ZNF586: variants seen among roughly 807,000 people sequenced by gnomAD.
The protein encoded by ZNF586 is zinc finger protein 586.
A neutral mutation model predicts 6.7 loss-of-function variants in ZNF586; 7 were observed. The observed-to-expected ratio is 1.04, with a 90% confidence interval of 0.59 to 1.95. The LOEUF (loss-of-function observed/expected upper bound fraction) is 1.95. ZNF586 is among the 30% of genes most tolerant of loss of function. The probability of loss-of-function intolerance (pLI) is 0.00; values close to 1 mark genes in which losing one functional copy is unlikely to be tolerated. For missense variants in ZNF586, 442 were observed against 489.6 expected, an observed-to-expected ratio of 0.90 and a Z score of 0.92; for synonymous variants, 166 against 168.7, an observed-to-expected ratio of 0.98 and a Z score of 0.12.
chr19:57,779,989 CCT>C lies in ZNF586; in HGVS notation c.*199_*200del, dbSNP rs766335785. 401 of 565,458 alleles carry C rather than the reference CCT, an allele frequency of 7.1e-4. No individual in the cohort carries two copies. The highest frequency in any genetic ancestry group is 1.5e-4 in the Non-Finnish European group (49 of 323,972). 35.0% of individuals were successfully genotyped at this position (565,458 alleles called of 1,614,324 possible). A position where few individuals can be genotyped will look rare whatever the true frequency, so the allele number is the denominator to read the frequency against. On this transcript the variant is annotated 3_prime_UTR_variant, in exon 3 of 3. Transcript: ENST00000396154. ...CAATGAATGTGAGAAAGCCTTCAGC[CCT>C]CTCTCATTGGTTACCACAATATTTA...
intron 2 of ZNF586, among the ~76,000 whole-genome samples, 155 bp downstream of exon 2, chr19:57,776,824 C>T (rs1987249673): frequency 6.6e-6 from 1 of 152,122 alleles, no homozygotes; most frequent in African/African-American, 2.4e-5. Context: ...ACGTACTGCC[C>T]TGTCCTTTCC....
At chr19:57,775,737 G>A (rs1215346420) in intron 1 of ZNF586, among the ~76,000 whole-genome samples, 1 of 151,810 alleles carries the variant, frequency 6.6e-6, no homozygotes, top group Non-Finnish European at 1.5e-5. Flanking sequence ...TGAGTAGCTG[G>A]GACTACAGGT....
intron 1 of ZNF586, among the ~76,000 whole-genome samples, chr19:57,775,503 A>G (rs1987212352): frequency 1.3e-5 from 2 of 151,924 alleles, no homozygotes; most frequent in Non-Finnish European, 2.9e-5. Context: ...TCAAAAATTA[A>G]AAATAAAAAC....
chr19:57,779,522 A>G lies in ZNF586; in HGVS notation c.935A>G (p.His312Arg), dbSNP rs749693404. The G allele has an allele frequency of 6.2e-7, 1 of 1,614,022 alleles. No homozygotes were observed. The highest frequency in any genetic ancestry group is 8.5e-7 in the Non-Finnish European group (1 of 1,180,016). ...RSNLIHHQRV[H>R]TGERHECGQC... ...AACCTCATTCACCATCAGCGAGTTCATACTGGAGAAAGGCATGAGTGCGGG... is the reference window on the plus strand; with the variant it reads ...AACCTCATTCACCATCAGCGAGTTCGTACTGGAGAAAGGCATGAGTGCGGG... Residue 312 changes from histidine to arginine, a missense_variant, in exon 3 of 3, where the codon CAT becomes CGT. Coordinates refer to ENST00000396154, the MANE Select transcript of ZNF586 (RefSeq NM_017652.4).
In ZNF586 at chr19:57,769,852, G is replaced by T; in HGVS notation, c.10G>T (p.Ala4Ser). 2 of 1,543,066 alleles carry T rather than the reference G, an allele frequency of 1.3e-6. No individual in the cohort carries two copies. Among genetic ancestry groups the T allele is most frequent in the Non-Finnish European group, 1.7e-6 (2 of 1,145,462 alleles). The change falls in exon 1 of 3, where the codon GCA becomes TCA. Residue 4 changes from alanine (A) to serine (S), a missense_variant. Transcript: ENST00000396154. The part of the protein sequence containing the change: MAA[A>S]AALRAPAQSS... ...CCCCCCGCCCAGAGTCATGGCGGCA[G>T]CAGCCGCTCTGAGGGCGCCTGCTCA...
chr19:57,775,091 T>C (rs192714076), intron 1 of ZNF586, among the ~76,000 whole-genome samples: 13 of 151,592 alleles, frequency 8.6e-5, no homozygotes, highest in Non-Finnish European at 1.6e-4. Flanking sequence ...CTCCGCCTCC[T>C]GGGTTCATGA....
rs2122547423 is a variant in ZNF586, at chr19:57,769,769, G to A, written c.-74G>A. The A allele has an allele frequency of 2.7e-6, 4 of 1,486,990 alleles. No individual in the cohort carries two copies. The South Asian group carries it at 4.8e-5, about 18-fold the overall frequency. 92.1% of individuals were successfully genotyped at this position (1,486,990 alleles called of 1,614,324 possible). A position where few individuals can be genotyped will look rare whatever the true frequency, so the allele number is the denominator to read the frequency against. ...ACAGGCGGATCTGAGGTTCGGCGAC[G>A]CCGCTGGTCGCGACCCGGGACAGGA... is the stretch of plus-strand genomic sequence containing the variant. On this transcript the variant is annotated 5_prime_UTR_variant, in exon 1 of 3. Coordinates refer to ENST00000396154, the MANE Select transcript of ZNF586 (RefSeq NM_017652.4).
At chr19:57,778,086 T>TC (rs1375035873) in intron 2 of ZNF586, among the ~76,000 whole-genome samples, 1 of 150,108 alleles carries the variant, frequency 6.7e-6, no homozygotes, top group Non-Finnish European at 1.5e-5. Context: ...TTTTTTTTTT[T>TC]TTTCTTGAGA....
Position 57,778,920 on chromosome 19 carries a change from A to C in ZNF586, c.333A>C (p.Lys111Asn), listed in dbSNP as rs1359552982. ...SCLTEPRRDH[K>N]HRNVRTGERP... ...TCACTGAACCCAGAAGAGATCACAA[A>C]CACAGGAATGTTCGCACTGGAGAAA... is the stretch of plus-strand genomic sequence containing the variant. Residue 111 changes from lysine to asparagine, a missense_variant, in exon 3 of 3, where the codon AAA (lysine) becomes AAC (asparagine). Physicochemically the swap from Lys to Asn is moderately conservative, Grantham distance 94. Coordinates refer to ENST00000396154, the MANE Select transcript of ZNF586 (RefSeq NM_017652.4). 1 of 1,614,178 alleles carries C rather than the reference A, an allele frequency of 6.2e-7. No individual in the cohort carries two copies. The highest frequency in any genetic ancestry group is 8.5e-7 in the Non-Finnish European group (1 of 1,180,028).
chr19:57,779,471 G>T lies in ZNF586; in HGVS notation c.884G>T (p.Cys295Phe). 1.2e-6 allele frequency: 2 copies of T among 1,614,162 alleles called. No homozygotes were observed. Among genetic ancestry groups the T allele is most frequent in the Non-Finnish European group, 1.7e-6 (2 of 1,180,026 alleles). Residue 295 changes from cysteine (C) to phenylalanine (F), a missense_variant, in exon 3 of 3, where the codon TGT (cysteine) becomes TTT (phenylalanine). Coordinates refer to ENST00000396154, the MANE Select transcript of ZNF586 (RefSeq NM_017652.4). ...TRERPYECSE[C>F]GKSFSLRSNL... ...GAAAGGCCTTATGAATGTAGTGAATGTGGGAAATCCTTTAGCTTAAGGTCC... is the reference window on the plus strand; with the variant it reads ...GAAAGGCCTTATGAATGTAGTGAATTTGGGAAATCCTTTAGCTTAAGGTCC...
chr19:57,779,285 C>T lies in ZNF586; in HGVS notation c.698C>T (p.Pro233Leu). ...AGGAGGATTCACACTGGAGAGAGGCCTTATGAGTGCAGTGAATGTGGGAGA... is the reference window on the plus strand; with the variant it reads ...AGGAGGATTCACACTGGAGAGAGGCTTTATGAGTGCAGTGAATGTGGGAGA... ...KHRRIHTGER[P>L]YECSECGRSF... Residue 233 changes from proline (P) to leucine (L), a missense_variant, in exon 3 of 3, where the codon CCT becomes CTT. Pro to Leu is a moderately conservative substitution (Grantham distance 98). Coordinates refer to ENST00000396154, the MANE Select transcript of ZNF586 (RefSeq NM_017652.4). 1 of 1,614,152 alleles carries T rather than the reference C, an allele frequency of 6.2e-7. No individual in the cohort carries two copies. Among genetic ancestry groups the T allele is most frequent in the Non-Finnish European group, 8.5e-7 (1 of 1,180,030 alleles).
At position 57,776,406 on chromosome 19, in the gene ZNF586, C is replaced by A. The variant is rs549073355; in HGVS notation, c.37-137C>A. 1.1e-5 allele frequency: 11 copies of A among 1,029,552 alleles called. No homozygotes were observed. In the African/African-American group the frequency reaches 1.6e-4, roughly 15 times the overall value. 63.8% of individuals were successfully genotyped at this position (1,029,552 alleles called of 1,614,324 possible). A position where few individuals can be genotyped will look rare whatever the true frequency, so the allele number is the denominator to read the frequency against. On this transcript the variant is annotated intron_variant, in intron 1 of 2. Coordinates refer to ENST00000396154, the MANE Select transcript of ZNF586 (RefSeq NM_017652.4). ...ATGGTCCCATGAGGACACAGTGGCA[C>A]TAGTGGGCAAAATTTCTCCTCTGAG...
Position 57,769,703 on chromosome 19 carries a change from G to A in ZNF586, c.-140G>A. On this transcript the variant is annotated 5_prime_UTR_variant, in exon 1 of 3. Transcript: ENST00000396154. ...CTGTCAGGTCCATCCGGCGATGCTG[G>A]GTCTGGACGAGCTCGGGAGGAGTGG... The A allele has an allele frequency of 1.1e-6, 1 of 892,348 alleles. No homozygotes were observed. Among genetic ancestry groups the A allele is most frequent in the Non-Finnish European group, 1.7e-6 (1 of 574,230 alleles). 55.3% of individuals were successfully genotyped at this position (892,348 alleles called of 1,614,324 possible). A position where few individuals can be genotyped will look rare whatever the true frequency, so the allele number is the denominator to read the frequency against.
chr19:57,775,259 T>G (rs1248292755), intron 1 of ZNF586, among the ~76,000 whole-genome samples: 3 of 152,150 alleles, frequency 2.0e-5, no homozygotes, highest in African/African-American at 7.2e-5. Flanking sequence ...CCTCCCAAAG[T>G]GCAGGGATTA....
Position 57,769,874 on chromosome 19 carries a change from C to T in ZNF586, c.32C>T (p.Ala11Val). ...GCAGCAGCCGCTCTGAGGGCGCCTG[C>T]TCAGGTGAGCGCTGCGACCTCCGGG... MAAAAALRAP[A>V]QSSVTFEDVA... is the part of the protein sequence containing the mutation. Residue 11 changes from alanine to valine, a missense_variant, in exon 1 of 3, where the codon GCT becomes GTT. Physicochemically the swap from Ala to Val is moderately conservative, Grantham distance 64. Coordinates refer to ENST00000396154, the MANE Select transcript of ZNF586 (RefSeq NM_017652.4). 1 of 1,543,032 alleles carries T rather than the reference C, an allele frequency of 6.5e-7. No individual in the cohort carries two copies. Among genetic ancestry groups the T allele is most frequent in the Non-Finnish European group, 8.7e-7 (1 of 1,144,406 alleles).
chr19:57,773,174 T>C (rs1291558931), intron 1 of ZNF586, among the ~76,000 whole-genome samples: 1 of 152,194 alleles, frequency 6.6e-6, no homozygotes, highest in Non-Finnish European at 1.5e-5. Context: ...TGGGGAAGCG[T>C]TGATATTGGA....
chr19:57,779,551 T>C lies in ZNF586; in HGVS notation c.964T>C (p.Cys322Arg), dbSNP rs1987332470. 3 of 1,613,798 alleles carry C rather than the reference T, an allele frequency of 1.9e-6. No individual in the cohort carries two copies. Among genetic ancestry groups the C allele is most frequent in the Non-Finnish European group, 1.7e-6 (2 of 1,179,968 alleles). ...TGGAGAAAGGCATGAGTGCGGGCAG[T>C]GTGGGAAATCCTTTAGCCGAAAATC... is the stretch of plus-strand genomic sequence containing the variant. Reference protein sequence around the residue: ...HTGERHECGQCGKSFSRKSSL... With the variant: ...HTGERHECGQRGKSFSRKSSL... The change falls in exon 3 of 3, where the codon TGT (cysteine) becomes CGT (arginine). Residue 322 changes from cysteine (C) to arginine (R), a missense_variant. Transcript: ENST00000396154.
intron 1 of ZNF586, among the ~76,000 whole-genome samples, chr19:57,771,029 C>T (rs1000841670): frequency 6.6e-6 from 1 of 151,882 alleles, no homozygotes; most frequent in Admixed American, 6.6e-5. Context: ...CGGCCGGGCG[C>T]GGTGGCTCAC....
At position 57,769,890 on chromosome 19, in the gene ZNF586, G is replaced by T. The variant is rs769387814; in HGVS notation, c.36+12G>T. ...GGGCGCCTGCTCAGGTGAGCGCTGC[G>T]ACCTCCGGGCCTTACCCACCCTACC... On this transcript the variant is annotated intron_variant, in intron 1 of 2. Transcript: ENST00000396154. 1.3e-6 allele frequency: 2 copies of T among 1,537,854 alleles called. No homozygotes were observed. Among genetic ancestry groups the T allele is most frequent in the Non-Finnish European group, 1.8e-6 (2 of 1,141,338 alleles).
Sources: gnomAD v4.1 joint callset for allele counts (sites outside exome capture counted in the v4.1 genomes callset) on GRCh38, gnomAD v4.1.1 for gene constraint, MANE v1.5 for transcripts, NCBI Gene and HGNC (gene_info 2026-07-23, HGNC 2026-07-21) for gene names.